The following ADM variants were observed in gnomAD, a reference collection of about 807,000 sequenced individuals.
The protein encoded by ADM is pro-adrenomedullin.
In ADM, 4 loss-of-function variants were observed where a neutral mutation model predicts 9.0. That is an observed-to-expected ratio of 0.44 (90% CI 0.22 to 1.02). The LOEUF is 1.02. Among genes scored for constraint, ADM ranks in the 50% least tolerant of loss-of-function variants. The pLI is 0.24. For synonymous variants in ADM, 107 were observed against 107.2 expected (o/e 1.00, Z 0.01); for missense variants, 253 against 254.1 (o/e 1.00, Z 0.03).
Position 10,306,727 on chromosome 11 carries a change from G to T in ADM, c.*86G>T, listed in dbSNP as rs563007247. 1 of 1,391,224 alleles carries T rather than the reference G, an allele frequency of 7.2e-7. No homozygotes were observed. Among genetic ancestry groups the T allele is most frequent in the South Asian group, 1.5e-5 (1 of 65,244 alleles). 86.2% of individuals were successfully genotyped at this position (1,391,224 alleles called of 1,614,324 possible). On this transcript the variant is annotated 3_prime_UTR_variant, in exon 4 of 4. Transcript: ENST00000278175. The stretch of plus-strand genomic sequence containing the variant: ...ACGAAGGACTTCCCGAGCGGTGTGG[G>T]GACCGGGCTCTGACAGCCCTGCGGA...
intron 3 of ADM, 86 bp from the exon 4 acceptor site, chr11:10,306,246 G>A: frequency 5.8e-6 from 9 of 1,555,048 alleles, no homozygotes; most frequent in Non-Finnish European, 7.8e-6. Context: ...TCTGGCTCTA[G>A]AATGGCTCCC....
In ADM at chr11:10,306,892, C is replaced by G; in HGVS notation, c.*251C>G. ...GGTGCAGAAGAATCCGAGTGTTTGC[C>G]AGGCTTAAGGAGAGGAGAAACTGAG... On this transcript the variant is annotated 3_prime_UTR_variant, in exon 4 of 4. Coordinates refer to ENST00000278175, the MANE Select transcript of ADM (RefSeq NM_001124.3). 1 of 417,652 alleles carries G rather than the reference C, an allele frequency of 2.4e-6. No individual in the cohort carries two copies. The highest frequency in any genetic ancestry group is 3.8e-5 in the East Asian group (1 of 26,312). 25.9% of individuals were successfully genotyped at this position (417,652 alleles called of 1,614,324 possible). A position where few individuals can be genotyped will look rare whatever the true frequency, so the allele number is the denominator to read the frequency against.
At position 10,307,332 on chromosome 11, in the gene ADM, G is replaced by C. The variant is rs1021646099; in HGVS notation, c.*691G>C. 1 of 152,644 alleles carries C rather than the reference G, an allele frequency of 6.6e-6. No individual in the cohort carries two copies. Among genetic ancestry groups the C allele is most frequent in the South Asian group, 2.1e-4 (1 of 4,834 alleles). 9.5% of individuals were successfully genotyped at this position (152,644 alleles called of 1,614,324 possible). A position where few individuals can be genotyped will look rare whatever the true frequency, so the allele number is the denominator to read the frequency against. On this transcript the variant is annotated 3_prime_UTR_variant, in exon 4 of 4. Coordinates refer to ENST00000278175, the MANE Select transcript of ADM (RefSeq NM_001124.3). This position sits in a 1 kb window ranked among gnomAD's most constrained non-coding sequence, Gnocchi z 4.5. ...TGGAAGAAGGAAACACCGAGTCTCT[G>C]TATAATCTATTTACATAAAATGGGT...
At position 10,306,741 on chromosome 11, in the gene ADM, C is replaced by T; in HGVS notation, c.*100C>T. On this transcript the variant is annotated 3_prime_UTR_variant, in exon 4 of 4. Transcript: ENST00000278175. Reference sequence around the variant, plus strand: ...GAGCGGTGTGGGGACCGGGCTCTGACAGCCCTGCGGAGACCCTGAGTCCGG... The same window carrying T: ...GAGCGGTGTGGGGACCGGGCTCTGATAGCCCTGCGGAGACCCTGAGTCCGG... 7.7e-7 allele frequency: 1 copy of T among 1,292,292 alleles called. No homozygotes were observed. Among genetic ancestry groups the T allele is most frequent in the East Asian group, 2.5e-5 (1 of 39,312 alleles). 80.1% of individuals were successfully genotyped at this position (1,292,292 alleles called of 1,614,324 possible). A position where few individuals can be genotyped will look rare whatever the true frequency, so the allele number is the denominator to read the frequency against.
At chr11:10,305,530 G>T in intron 1 of ADM, 150 bp from the exon 2 acceptor site, 1 of 653,828 alleles carries the variant, frequency 1.5e-6, no homozygotes, top group Admixed American at 2.9e-5. Flanking sequence ...CGCCTCTGGC[G>T]CCTCTCTGCG....
Position 10,305,079 on chromosome 11 carries a change from T to C in ADM, c.-172T>C, listed in dbSNP as rs1018669605. On this transcript the variant is annotated 5_prime_UTR_variant, in exon 1 of 4. Transcript: ENST00000278175. ...ACAGGAACCAGAGCTGGCCACTCAGTGGTTTCTTGGTGACACTGGATAGAA... is the reference window on the plus strand; with the variant it reads ...ACAGGAACCAGAGCTGGCCACTCAGCGGTTTCTTGGTGACACTGGATAGAA... The C allele has an allele frequency of 1.3e-5, 2 of 152,260 alleles. No individual in the cohort carries two copies. The highest frequency in any genetic ancestry group is 2.9e-5 in the Non-Finnish European group (2 of 68,112). 9.4% of individuals were successfully genotyped at this position (152,260 alleles called of 1,614,324 possible).
rs1565453273 is a variant in ADM at position 10,306,456 on chromosome 11, T to C, written c.373T>C (p.Tyr125His). 4 of 1,613,346 alleles carry C rather than the reference T, an allele frequency of 2.5e-6. No homozygotes were observed. Among genetic ancestry groups the C allele is most frequent in the Non-Finnish European group, 2.5e-6 (3 of 1,179,918 alleles). Reference sequence around the variant, plus strand: ...GGTGCAGAAGCTGGCACACCAGATCTACCAGTTCACAGATAAGGACAAGGA... The same window carrying C: ...GGTGCAGAAGCTGGCACACCAGATCCACCAGTTCACAGATAAGGACAAGGA... ...CTVQKLAHQI[Y>H]QFTDKDKDNV... Residue 125 changes from tyrosine (Y) to histidine (H), a missense_variant, in exon 4 of 4, where the codon TAC (tyrosine) becomes CAC (histidine). Physicochemically the swap from Tyr to His is moderately conservative, Grantham distance 83. Coordinates refer to ENST00000278175, the MANE Select transcript of ADM (RefSeq NM_001124.3).
chr11:10,305,912 T>C (rs1964649972), intron 2 of ADM, 37 bp from the exon 3 acceptor site: 1 of 1,612,884 alleles, frequency 6.2e-7, no homozygotes. Flanking sequence ...GGGCGTCACC[T>C]GAACGCACGC....
rs1964640544 is a variant in ADM at position 10,305,234 on chromosome 11, G to A, written c.-22+5G>A. ...GGCAGATCACTCTCTTAGCAGGTAG[G>A]TGCCGCAGACCCTGCGGGTTAAGAG... On this transcript the variant is annotated splice_donor_5th_base_variant and intron_variant, in intron 1 of 3. Coordinates refer to ENST00000278175, the MANE Select transcript of ADM (RefSeq NM_001124.3). The A allele has an allele frequency of 5.8e-6, 1 of 173,422 alleles. No individual in the cohort carries two copies. Among genetic ancestry groups the A allele is most frequent in the Admixed American group, 5.7e-5 (1 of 17,442 alleles). 10.7% of individuals were successfully genotyped at this position (173,422 alleles called of 1,614,324 possible).
Position 10,306,097 on chromosome 11 carries a change from A to G in ADM, c.247A>G (p.Ser83Gly). The G allele has an allele frequency of 6.2e-7, 1 of 1,613,802 alleles. No individual in the cohort carries two copies. The highest frequency in any genetic ancestry group is 8.5e-7 in the Non-Finnish European group (1 of 1,179,960). ...MKGASRSPED[S>G]SPDAARIRVK... Reference sequence around the variant, plus strand: ...GGGTGCCTCTCGAAGCCCCGAAGACAGGTAACTACGCCCTGTGCTGTCCAG... The same window carrying G: ...GGGTGCCTCTCGAAGCCCCGAAGACGGGTAACTACGCCCTGTGCTGTCCAG... The change falls in exon 3 of 4, where the codon AGC becomes GGC. Residue 83 changes from serine to glycine, a missense_variant and splice_region_variant. Physicochemically the swap from Ser to Gly is moderately conservative, Grantham distance 56. Coordinates refer to ENST00000278175, the MANE Select transcript of ADM (RefSeq NM_001124.3).
chr11:10,305,822 C>A, intron 2 of ADM, 24 bp downstream of exon 2: 1 of 1,613,700 alleles, frequency 6.2e-7, no homozygotes, highest in Non-Finnish European at 8.5e-7. Flanking sequence ...GCGCCTTCCC[C>A]CTTGCTGGTA....
At position 10,306,933 on chromosome 11, in the gene ADM, C is replaced by T. The variant is rs914899422; in HGVS notation, c.*292C>T. ...AGAAACTGAGAAATGAATGCTGAGA[C>T]CCCCGGAGCAGGGGTCTGAGCCACA... On this transcript the variant is annotated 3_prime_UTR_variant, in exon 4 of 4. Coordinates refer to ENST00000278175, the MANE Select transcript of ADM (RefSeq NM_001124.3). 2 of 311,974 alleles carry T rather than the reference C, an allele frequency of 6.4e-6. No homozygotes were observed. The highest frequency in any genetic ancestry group is 5.4e-5 in the East Asian group (1 of 18,446). 19.3% of individuals were successfully genotyped at this position (311,974 alleles called of 1,614,324 possible). A position where few individuals can be genotyped will look rare whatever the true frequency, so the allele number is the denominator to read the frequency against.
At position 10,306,399 on chromosome 11, in the gene ADM, C is replaced by A. The variant is rs1452511815; in HGVS notation, c.316C>A (p.Arg106=). The A allele has an allele frequency of 4.3e-6, 7 of 1,613,036 alleles. No individual in the cohort carries two copies. The highest frequency in any genetic ancestry group is 5.9e-6 in the Non-Finnish European group (7 of 1,179,852). Residue 106 remains arginine, a synonymous_variant, in exon 4 of 4, where the codon CGG becomes AGG. Transcript: ENST00000278175. ...GAGCATGAACAACTTCCAGGGCCTC[C>A]GGAGCTTTGGCTGCCGCTTCGGGAC... ...RQSMNNFQGL[R]SFGCRFGTCT...
chr11:10,306,921 T>A lies in ADM; in HGVS notation c.*280T>A. The stretch of plus-strand genomic sequence containing the variant: ...CTTAAGGAGAGGAGAAACTGAGAAA[T>A]GAATGCTGAGACCCCCGGAGCAGGG... On this transcript the variant is annotated 3_prime_UTR_variant, in exon 4 of 4. Transcript: ENST00000278175. The A allele has an allele frequency of 6.1e-6, 2 of 329,054 alleles. No individual in the cohort carries two copies. The highest frequency in any genetic ancestry group is 4.9e-5 in the East Asian group (1 of 20,344). The allele number at this position is 329,054 out of a possible 1,614,324, so 20.4% of individuals were successfully genotyped here.
Position 10,306,597 on chromosome 11 carries a change from G to C in ADM, c.514G>C (p.Gly172Arg), listed in dbSNP as rs1565453374. The C allele has an allele frequency of 4.4e-6, 7 of 1,591,728 alleles. No individual in the cohort carries two copies. Among genetic ancestry groups the C allele is most frequent in the Admixed American group, 3.6e-5 (2 of 55,346 alleles). Residue 172 changes from glycine (G) to arginine (R), a missense_variant, in exon 4 of 4, where the codon GGG becomes CGG. Transcript: ENST00000278175. ...TLVSSKPQAH[G>R]APAPPSGSAP... Reference sequence around the variant, plus strand: ...GGTGTCTTCTAAGCCACAAGCACACGGGGCTCCAGCCCCCCCGAGTGGAAG... The same window carrying C: ...GGTGTCTTCTAAGCCACAAGCACACCGGGCTCCAGCCCCCCCGAGTGGAAG...
At chr11:10,306,170 C>A in intron 3 of ADM, 72 bp downstream of exon 3, 3 of 1,576,116 alleles carry the variant, frequency 1.9e-6, no homozygotes, top group South Asian at 1.1e-5. Flanking sequence ...TGTCTCCACT[C>A]CCCTGGCCCG....
rs1285210430 is a variant in ADM, at chr11:10,306,754, A to C, written c.*113A>C. On this transcript the variant is annotated 3_prime_UTR_variant, in exon 4 of 4. Coordinates refer to ENST00000278175, the MANE Select transcript of ADM (RefSeq NM_001124.3). ...ACCGGGCTCTGACAGCCCTGCGGAG[A>C]CCCTGAGTCCGGGAGGCACCGTCCG... 1.7e-6 allele frequency: 2 copies of C among 1,146,720 alleles called. No individual in the cohort carries two copies. The highest frequency in any genetic ancestry group is 2.4e-6 in the Non-Finnish European group (2 of 839,734). The allele number at this position is 1,146,720 out of a possible 1,614,324, so 71.0% of individuals were successfully genotyped here.
At position 10,306,826 on chromosome 11, in the gene ADM, C is replaced by A; in HGVS notation, c.*185C>A. 1.8e-6 allele frequency: 1 copy of A among 545,998 alleles called. No homozygotes were observed. Among genetic ancestry groups the A allele is most frequent in the Non-Finnish European group, 3.1e-6 (1 of 323,242 alleles). 33.8% of individuals were successfully genotyped at this position (545,998 alleles called of 1,614,324 possible). ...AGGGCCCCTCCTTCTGGGGGCTTCG[C>A]TTCCTTAGCCTTGCTCAGGTGCAAG... On this transcript the variant is annotated 3_prime_UTR_variant, in exon 4 of 4. Transcript: ENST00000278175.
At position 10,305,429 on chromosome 11, in the gene ADM, G is replaced by C. The variant is rs1964642303; in HGVS notation, c.-22+200G>C. On this transcript the variant is annotated intron_variant, in intron 1 of 3. Coordinates refer to ENST00000278175, the MANE Select transcript of ADM (RefSeq NM_001124.3). ...CAGTCCCCTCTGCTCCGTCAGCCAA[G>C]TTCCAAGAAGTTGAGCAGAGACCCT... is the stretch of plus-strand genomic sequence containing the variant. 5 of 503,746 alleles carry C rather than the reference G, an allele frequency of 9.9e-6. 1 individual carries two copies. In the South Asian group the frequency reaches 1.1e-4, roughly 11 times the overall value. 31.2% of individuals were successfully genotyped at this position (503,746 alleles called of 1,614,324 possible). A position where few individuals can be genotyped will look rare whatever the true frequency, so the allele number is the denominator to read the frequency against.
Sources: allele counts gnomAD v4.1 joint callset, GRCh38; gene constraint gnomAD v4.1.1; non-coding constraint Gnocchi (gnomAD v3.1); transcripts MANE v1.5; gene names NCBI Gene and HGNC (gene_info 2026-07-23, HGNC 2026-07-21).